The following ZNF354A variants were observed in gnomAD, a reference collection of about 807,000 sequenced individuals.
The protein encoded by ZNF354A is epididymis luminal protein 104.
A neutral mutation model predicts 53.3 loss-of-function variants in ZNF354A; 25 were observed. The observed-to-expected ratio is 0.47, with a 90% CI of 0.34 to 0.66. The LOEUF (loss-of-function observed/expected upper bound fraction) is 0.66, where lower values mean the gene tolerates loss of function less well. ZNF354A is among the 30% of genes least tolerant of loss of function. The probability of loss-of-function intolerance (pLI) is 0.01; values close to 1 mark genes in which losing one functional copy is unlikely to be tolerated. For missense variants in ZNF354A, 586 were observed against 716.8 expected (o/e 0.82, Z 2.08); for synonymous variants, 228 against 249.0 (o/e 0.92, Z 0.79).
chr5:178,713,279 G>A lies in ZNF354A; in HGVS notation c.599C>T (p.Ser200Leu), dbSNP rs763763240. ...EIQGNSLKQN[S>L]QLLNQPKITA... The stretch of plus-strand genomic sequence containing the variant: ...AATTTTTGGTTGATTAAGTAATTGT[G>A]AATTCTGTTTGAGGCTGTTTCCTTG... The change falls in exon 5 of 5, where the codon TCA (serine) becomes TTA (leucine). Residue 200 changes from serine (S) to leucine (L), a missense_variant. Physicochemically the swap from Ser to Leu is moderately radical, Grantham distance 145 (BLOSUM62 -2). This residue lies in a region of ZNF354A where 573 missense variants were observed against 680.1 expected (regional missense o/e 0.84). Transcript: ENST00000335815. 4 of 1,614,114 alleles carry A rather than the reference G, an allele frequency of 2.5e-6. No individual in the cohort carries two copies. The Admixed American group carries it at 5.0e-5, about 20-fold the overall frequency.
chr5:178,724,716 T>TG (rs768659235), intron 4 of ZNF354A, among the ~76,000 whole-genome samples: 2 of 152,242 alleles, frequency 1.3e-5, no homozygotes, highest in Admixed American at 6.5e-5. Context: ...TGTGTCCTCC[T>TG]AACCTTTCTC....
chr5:178,718,994 G>A (rs758564375), intron 4 of ZNF354A, among the ~76,000 whole-genome samples: 10 of 152,186 alleles, frequency 6.6e-5, no homozygotes, highest in African/African-American at 9.7e-5. Context: ...ATAAGCCATC[G>A]TGAATATGTC....
At chr5:178,715,264 A>G (rs530572415) in intron 4 of ZNF354A, among the ~76,000 whole-genome samples, 2 of 152,348 alleles carry the variant, frequency 1.3e-5, no homozygotes, top group Admixed American at 1.3e-4. Flanking sequence ...ACTTTCACAC[A>G]TCTACAAATT....
At chr5:178,717,554 G>A (rs1032074023) in intron 4 of ZNF354A, among the ~76,000 whole-genome samples, 1 of 151,754 alleles carries the variant, frequency 6.6e-6, no homozygotes, top group African/African-American at 2.4e-5. Flanking sequence ...AGGCTGAGGG[G>A]GCATTCTGTT....
In ZNF354A at chr5:178,712,111, A is replaced by T. The variant is rs763895133; in HGVS notation, c.1767T>A (p.His589Gln). The change falls in exon 5 of 5, where the codon CAT becomes CAA. Residue 589 changes from histidine to glutamine, a missense_variant. By Grantham distance (24) the His-to-Gln change is conservative. Coordinates refer to ENST00000335815, the MANE Select transcript of ZNF354A (RefSeq NM_005649.3). ...ECNTCGKLFN[H>Q]RSSLTNHYKI... The stretch of plus-strand genomic sequence containing the variant: ...TATAATGATTAGTAAGGGATGACCT[A>T]TGGTTGAAAAGTTTCCCACATGTAT... The T allele has an allele frequency of 2.5e-6, 4 of 1,612,878 alleles. No homozygotes were observed. The highest frequency in any genetic ancestry group is 3.4e-6 in the Non-Finnish European group (4 of 1,179,244).
rs962163298 is a variant in ZNF354A at position 178,711,936 on chromosome 5, A to C, written c.*124T>G. 3 of 1,223,054 alleles carry C rather than the reference A, an allele frequency of 2.5e-6. No individual in the cohort carries two copies. Among genetic ancestry groups the C allele is most frequent in the Middle Eastern group, 2.9e-4 (1 of 3,452 alleles). 75.8% of individuals were successfully genotyped at this position (1,223,054 alleles called of 1,614,324 possible). ...TAGCTGAGGTTTATCCATGGAATTA[A>C]ATACCTAATGAGGGCTAAATTATTA... On this transcript the variant is annotated 3_prime_UTR_variant, in exon 5 of 5. Coordinates refer to ENST00000335815, the MANE Select transcript of ZNF354A (RefSeq NM_005649.3).
At chr5:178,725,792 A>T (rs1765893254) in intron 3 of ZNF354A, among the ~76,000 whole-genome samples, 1 of 152,240 alleles carries the variant, frequency 6.6e-6, no homozygotes, top group Admixed American at 6.5e-5. Context: ...TAAGTAGGTT[A>T]TCTATGAAAA....
intron 1 of ZNF354A, among the ~76,000 whole-genome samples, chr5:178,729,927 G>C (rs569219844): frequency 3.3e-5 from 5 of 149,472 alleles, no homozygotes; most frequent in Non-Finnish European, 7.4e-5. Flanking sequence ...TGCAGGGCTT[G>C]ATCTCGGCTC....
chr5:178,713,185 T>G lies in ZNF354A; in HGVS notation c.693A>C (p.Lys231Asn). ...KTFINTSSLR[K>N]HEKNHSGEKL... Reference sequence around the variant, plus strand: ...TCTCTCCACTATGGTTTTTCTCATGTTTACGAAGGGATGAAGTGTTAATGA... The same window carrying G: ...TCTCTCCACTATGGTTTTTCTCATGGTTACGAAGGGATGAAGTGTTAATGA... The change falls in exon 5 of 5, where the codon AAA becomes AAC. Residue 231 changes from lysine (K) to asparagine (N), a missense_variant. By Grantham distance (94) the Lys-to-Asn change is moderately conservative. Coordinates refer to ENST00000335815, the MANE Select transcript of ZNF354A (RefSeq NM_005649.3). 1 of 1,614,144 alleles carries G rather than the reference T, an allele frequency of 6.2e-7. No homozygotes were observed. Among genetic ancestry groups the G allele is most frequent in the Non-Finnish European group, 8.5e-7 (1 of 1,180,016 alleles).
At chr5:178,730,522 C>T (rs2113893344) in intron 1 of ZNF354A, 34 bp downstream of exon 1, 1 of 152,192 alleles carries the variant, frequency 6.6e-6, no homozygotes, top group Non-Finnish European at 1.5e-5. Context: ...CCGGGCGCCG[C>T]CTCCTACCGG....
chr5:178,726,962 T>C (rs757711574), intron 3 of ZNF354A, 37 bp downstream of exon 3: 2 of 1,580,716 alleles, frequency 1.3e-6, no homozygotes, highest in East Asian at 2.2e-5. Flanking sequence ...GATATCCCAA[T>C]TTTTGAATTC....
rs376649164 is a variant in ZNF354A, at chr5:178,724,036, C to A, written c.256+1340G>T. 5.3e-5 allele frequency among the ~76,000 whole-genome samples: 8 copies of A among 152,132 alleles called. 1 individual carries two copies. The South Asian group carries it at 1.2e-3, about 24-fold the overall frequency. On this transcript the variant is annotated intron_variant, in intron 4 of 4. Coordinates refer to ENST00000335815, the MANE Select transcript of ZNF354A (RefSeq NM_005649.3). ...CTCGGCCCTGTCACTTACACACCTG[C>A]CCACCAGGGTTCCCCACCTGACGAC... is the stretch of plus-strand genomic sequence containing the variant.
At position 178,711,852 on chromosome 5, in the gene ZNF354A, T is replaced by A. The variant is rs1765622654; in HGVS notation, c.*208A>T. The A allele has an allele frequency of 1.9e-6, 1 of 523,474 alleles. No individual in the cohort carries two copies. The highest frequency in any genetic ancestry group is 3.1e-6 in the Non-Finnish European group (1 of 323,302). The allele number at this position is 523,474 out of a possible 1,614,324, so 32.4% of individuals were successfully genotyped here. On this transcript the variant is annotated 3_prime_UTR_variant, in exon 5 of 5. Transcript: ENST00000335815. ...AATGTCTTCAATTGTAAATTCTTCA[T>A]CTCAGGTTATTTTTTTAAGTGTCTG...
chr5:178,723,810 A>C (rs1581747957), intron 4 of ZNF354A, among the ~76,000 whole-genome samples: 2 of 145,814 alleles, frequency 1.4e-5, no homozygotes, highest in East Asian at 2.1e-4. Context: ...CAGTTCAACC[A>C]CTCTCAGTCC....
chr5:178,715,863 A>G (rs900643099), intron 4 of ZNF354A, among the ~76,000 whole-genome samples: 2 of 150,750 alleles, frequency 1.3e-5, no homozygotes, highest in Non-Finnish European at 2.9e-5. Flanking sequence ...CCCTCTGCCA[A>G]TTCAGTCTCC....
At chr5:178,725,136 T>C (rs954538176) in intron 4 of ZNF354A, among the ~76,000 whole-genome samples, 4 of 152,232 alleles carry the variant, frequency 2.6e-5, no homozygotes, top group Admixed American at 6.5e-5. Context: ...AAATAGACTA[T>C]GTTTGCTGAA....
chr5:178,723,881 G>T (rs1359845678), intron 4 of ZNF354A, among the ~76,000 whole-genome samples: 1 of 151,810 alleles, frequency 6.6e-6, no homozygotes, highest in Non-Finnish European at 1.5e-5. Context: ...GGCTCTGTCA[G>T]ATTCCTCCTG....
Position 178,730,588 on chromosome 5 carries a change from C to T in ZNF354A, c.-84G>A, listed in dbSNP as rs1178515225. 15 of 151,918 alleles carry T rather than the reference C, an allele frequency of 9.9e-5. No individual in the cohort carries two copies. 9.4% of individuals were successfully genotyped at this position (151,918 alleles called of 1,614,324 possible). ...AGCTCGAGCGTCCCGGGCCGCGCCT[C>T]CCCAGCCGCGAGGCTCCGGAACCGC... is the stretch of plus-strand genomic sequence containing the variant. On this transcript the variant is annotated 5_prime_UTR_variant, in exon 1 of 5. Transcript: ENST00000335815.
chr5:178,718,787 C>T (rs111272694), intron 4 of ZNF354A, among the ~76,000 whole-genome samples: 10 of 152,076 alleles, frequency 6.6e-5, no homozygotes, highest in African/African-American at 2.4e-4. Flanking sequence ...GGCTGAAATG[C>T]ACTGGTGCCA....
Sources: allele counts gnomAD v4.1 joint callset (sites outside exome capture counted in the v4.1 genomes callset), GRCh38; gene constraint gnomAD v4.1.1; regional missense constraint gnomAD v4.1.1; transcripts MANE v1.5; gene names NCBI Gene and HGNC (gene_info 2026-07-23, HGNC 2026-07-21).